Variants in NHERF1 observed in about 807,000 individuals in gnomAD.
The protein encoded by NHERF1 is NHERF family PDZ scaffold protein 1, also known as Na(+)/H(+) exchange regulatory cofactor NHE-RF1.
chr17:74,748,666 C>A, the NHERF1 span: 1 of 593,330 alleles, frequency 1.7e-6, no homozygotes, highest in Non-Finnish European at 2.9e-6. This position sits in a 1 kb window ranked among gnomAD's most constrained non-coding sequence, Gnocchi z 4.3. Flanking sequence ...GTGGTCCTCT[C>A]TCGGCTCCTC....
chr17:74,757,526 A>T, the NHERF1 span, among the ~76,000 whole-genome samples: 353 of 152,118 alleles, frequency 2.3e-3, 1 homozygote, highest in African/African-American at 8.1e-3. Context: ...TTCTGCCTAG[A>T]GGTGTGGACA....
the NHERF1 span, among the ~76,000 whole-genome samples, chr17:74,757,696 C>T: frequency 6.6e-6 from 1 of 152,194 alleles, no homozygotes; most frequent in Non-Finnish European, 1.5e-5. Flanking sequence ...ACTGAGCTGT[C>T]TCCCAGAGCA....
the NHERF1 span, among the ~76,000 whole-genome samples, chr17:74,762,559 A>ATT: frequency 4.5e-5 from 5 of 110,712 alleles, no homozygotes; most frequent in South Asian, 1.4e-3. The surrounding 1 kb of genome is among the most constrained non-coding windows in gnomAD (Gnocchi z 4.2). Flanking sequence ...TTATTTATTT[A>ATT]GTTTTTTTTT....
chr17:74,751,092 G>A, the NHERF1 span, among the ~76,000 whole-genome samples: 18 of 152,282 alleles, frequency 1.2e-4, no homozygotes, highest in East Asian at 2.5e-3. This position sits in a 1 kb window ranked among gnomAD's most constrained non-coding sequence, Gnocchi z 4.3. Context: ...GGCATTGGGC[G>A]ATGTGATGCC....
chr17:74,765,794 C>T, the NHERF1 span, among the ~76,000 whole-genome samples: 2 of 152,164 alleles, frequency 1.3e-5, no homozygotes, highest in South Asian at 2.1e-4. Context: ...TCAGGTGATC[C>T]GCCTGCCACA....
the NHERF1 span, among the ~76,000 whole-genome samples, chr17:74,760,811 A>T: frequency 6.6e-6 from 1 of 152,228 alleles, no homozygotes; most frequent in Non-Finnish European, 1.5e-5. This position sits in a 1 kb window ranked among gnomAD's most constrained non-coding sequence, Gnocchi z 4.5. Context: ...TGGGAGGCAG[A>T]TGGCAGTCAG....
At chr17:74,759,958 C>T in the NHERF1 span, among the ~76,000 whole-genome samples, 1 of 152,306 alleles carries the variant, frequency 6.6e-6, no homozygotes. Flanking sequence ...TTTGGGAGCG[C>T]AGGGACGGTG....
At chr17:74,754,665 G>A in the NHERF1 span, among the ~76,000 whole-genome samples, 1 of 152,074 alleles carries the variant, frequency 6.6e-6, no homozygotes, top group Non-Finnish European at 1.5e-5. Flanking sequence ...TTTTAGTAGA[G>A]ATGGGGTTTC....
the NHERF1 span, among the ~76,000 whole-genome samples, chr17:74,763,750 C>T: frequency 5.3e-5 from 8 of 152,178 alleles, no homozygotes; most frequent in Admixed American, 5.2e-4. Context: ...GGTCAGCTGG[C>T]ATGAGGTCGG....
chr17:74,765,556 CCTT>C, the NHERF1 span, among the ~76,000 whole-genome samples: 2 of 145,754 alleles, frequency 1.4e-5, no homozygotes, highest in Non-Finnish European at 3.0e-5. Context: ...CCGCGCCTGG[CCTT>C]TTTTTTTTTT....
the NHERF1 span, chr17:74,763,487 T>C: frequency 6.2e-7 from 1 of 1,607,912 alleles, no homozygotes; most frequent in Non-Finnish European, 8.5e-7. Flanking sequence ...CTTCAAGAAA[T>C]GCAGAGTGAT....
At chr17:74,751,599 G>A in the NHERF1 span, among the ~76,000 whole-genome samples, 1 of 152,214 alleles carries the variant, frequency 6.6e-6, no homozygotes, top group African/African-American at 2.4e-5. The surrounding 1 kb of genome is among the most constrained non-coding windows in gnomAD (Gnocchi z 4.3). Context: ...GGGGAGTCTA[G>A]GCCTAAGGAG....
the NHERF1 span, chr17:74,762,883 A>G: frequency 6.2e-6 from 1 of 160,946 alleles, no homozygotes. The surrounding 1 kb of genome is among the most constrained non-coding windows in gnomAD (Gnocchi z 4.2). Flanking sequence ...AGACTCGTGC[A>G]TTCAGGGCTC....
the NHERF1 span, among the ~76,000 whole-genome samples, chr17:74,751,248 T>C: frequency 1.3e-5 from 2 of 152,150 alleles, no homozygotes; most frequent in Non-Finnish European, 2.9e-5. This position sits in a 1 kb window ranked among gnomAD's most constrained non-coding sequence, Gnocchi z 4.3. Context: ...TAGCAGAAAA[T>C]CCTCTCCTCT....
chr17:74,754,518 T>C, the NHERF1 span, among the ~76,000 whole-genome samples: 2 of 150,354 alleles, frequency 1.3e-5, no homozygotes, highest in African/African-American at 4.9e-5. Flanking sequence ...TTGTCCTGCC[T>C]CAGCCTTCCA....
chr17:74,767,365 C>A, the NHERF1 span, among the ~76,000 whole-genome samples: 3 of 152,304 alleles, frequency 2.0e-5, no homozygotes, highest in African/African-American at 7.2e-5. Context: ...CCCCCCTTCC[C>A]TGGGCAGAAG....
chr17:74,768,281 G>T, the NHERF1 span: 1 of 1,473,086 alleles, frequency 6.8e-7, no homozygotes, highest in South Asian at 1.1e-5. Context: ...ACAGGAAGCC[G>T]ATTCCCAGGC....
At chr17:74,763,300 C>G in the NHERF1 span, 4 of 1,526,498 alleles carry the variant, frequency 2.6e-6, no homozygotes, top group Non-Finnish European at 3.6e-6. Context: ...GCCCCCAACC[C>G]CCCTCCACTT....
the NHERF1 span, among the ~76,000 whole-genome samples, chr17:74,749,483 C>T: frequency 6.6e-6 from 1 of 152,244 alleles, no homozygotes; most frequent in Non-Finnish European, 1.5e-5. This position sits in a 1 kb window ranked among gnomAD's most constrained non-coding sequence, Gnocchi z 5.6. Flanking sequence ...CCCGCGACCT[C>T]CTCTCCTTCC....
Sources: gnomAD v4.1 joint callset for allele counts (sites outside exome capture counted in the v4.1 genomes callset) on GRCh38, gnomAD v4.1.1 for gene constraint, Gnocchi (gnomAD v3.1) non-coding constraint, MANE v1.5 for transcripts, NCBI Gene and HGNC (gene_info 2026-07-23, HGNC 2026-07-21) for gene names.